Variants in PLCXD3 observed in about 807,000 individuals in gnomAD.
PLCXD3 encodes phosphatidylinositol specific phospholipase C X domain containing 3, also known as PI-PLC X domain-containing protein 3.
A neutral mutation model predicts 25.5 loss-of-function variants in PLCXD3; 19 were observed. The observed-to-expected ratio is 0.75, with a 90% CI of 0.52 to 1.09. PLCXD3 has a LOEUF of 1.09. Among genes scored for constraint, PLCXD3 ranks in the 50% least tolerant of loss-of-function variants. PLCXD3 has a pLI of 0.00. For synonymous variants in PLCXD3, 174 were observed against 137.6 expected, an observed-to-expected ratio of 1.26 and a Z score of -1.85; for missense variants, 411 against 388.1, an observed-to-expected ratio of 1.06 and a Z score of -0.50.
At chr5:41,424,281 C>T (rs778443402) in intron 1 of PLCXD3, among the ~76,000 whole-genome samples, 3 of 152,106 alleles carry the variant, frequency 2.0e-5, no homozygotes, top group Non-Finnish European at 2.9e-5. Context: ...CGGTGGCTCA[C>T]GCCTGTAATC....
chr5:41,429,376 G>A (rs1033826270), intron 1 of PLCXD3, among the ~76,000 whole-genome samples: 2 of 152,172 alleles, frequency 1.3e-5, no homozygotes, highest in Admixed American at 1.3e-4. Flanking sequence ...TCTGCTATGA[G>A]GGGAATCAGG....
At position 41,313,278 on chromosome 5, in the gene PLCXD3, G is replaced by A. The variant is rs922531439; in HGVS notation, c.*339C>T. 7 of 239,482 alleles carry A rather than the reference G, an allele frequency of 2.9e-5. No individual in the cohort carries two copies. The highest frequency in any genetic ancestry group is 5.2e-5 in the South Asian group (1 of 19,220). The allele number at this position is 239,482 out of a possible 1,614,324, so 14.8% of individuals were successfully genotyped here. A position where few individuals can be genotyped will look rare whatever the true frequency, so the allele number is the denominator to read the frequency against. ...AGAAAGGTTGCAGGGTATAGACAGC[G>A]TAGGAGTCATAGGCTGGAAATAGAG... On this transcript the variant is annotated 3_prime_UTR_variant, in exon 3 of 3. Coordinates refer to ENST00000377801, the MANE Select transcript of PLCXD3 (RefSeq NM_001005473.3).
At chr5:41,349,365 A>G (rs1281347011) in intron 2 of PLCXD3, among the ~76,000 whole-genome samples, 2 of 152,240 alleles carry the variant, frequency 1.3e-5, no homozygotes, top group Non-Finnish European at 1.5e-5. Context: ...AACAGCTCCT[A>G]TGGAGGACTG....
At chr5:41,359,468 A>T (rs1744714026) in intron 2 of PLCXD3, among the ~76,000 whole-genome samples, 1 of 152,146 alleles carries the variant, frequency 6.6e-6, no homozygotes, top group African/African-American at 2.4e-5. Flanking sequence ...CTGGGAGCTT[A>T]TCCATCTCCT....
intron 1 of PLCXD3, among the ~76,000 whole-genome samples, chr5:41,502,505 G>A (rs949400694): frequency 6.6e-6 from 1 of 152,060 alleles, no homozygotes; most frequent in Non-Finnish European, 1.5e-5. Context: ...AAGATGTGAT[G>A]TAATCAGTAC....
intron 1 of PLCXD3, among the ~76,000 whole-genome samples, chr5:41,414,505 T>C (rs1746648527): frequency 6.6e-6 from 1 of 152,220 alleles, no homozygotes; most frequent in Non-Finnish European, 1.5e-5. Flanking sequence ...ACTGCGAATA[T>C]TTTATTTCTT....
At chr5:41,346,527 C>T (rs1389825654) in intron 2 of PLCXD3, among the ~76,000 whole-genome samples, 4 of 152,008 alleles carry the variant, frequency 2.6e-5, no homozygotes, top group Non-Finnish European at 4.4e-5. Flanking sequence ...ACTGATCTTT[C>T]GCCTTTACTG....
chr5:41,382,599 C>G (rs996381697), intron 1 of PLCXD3, 65 bp from the exon 2 acceptor site: 3 of 1,268,236 alleles, frequency 2.4e-6, no homozygotes, highest in Non-Finnish European at 3.3e-6. Flanking sequence ...CCTTCTTTCC[C>G]TCTTGCAATA....
At chr5:41,453,066 A>G (rs1747672506) in intron 1 of PLCXD3, among the ~76,000 whole-genome samples, 2 of 152,106 alleles carry the variant, frequency 1.3e-5, no homozygotes, top group South Asian at 4.1e-4. Context: ...ACACACTGTA[A>G]TTAACTATAG....
chr5:41,345,095 T>G (rs1479171695), intron 2 of PLCXD3, among the ~76,000 whole-genome samples: 1 of 152,222 alleles, frequency 6.6e-6, no homozygotes, highest in Non-Finnish European at 1.5e-5. Flanking sequence ...GATATTGATT[T>G]GAGTATTTTC....
chr5:41,468,893 G>A (rs948527512), intron 1 of PLCXD3, among the ~76,000 whole-genome samples: 1 of 151,996 alleles, frequency 6.6e-6, no homozygotes, highest in African/African-American at 2.4e-5. Context: ...TAATTCTTCT[G>A]GCTAGGACTT....
intron 2 of PLCXD3, among the ~76,000 whole-genome samples, chr5:41,359,111 C>T (rs766753664): frequency 2.6e-5 from 4 of 152,008 alleles, no homozygotes; most frequent in Admixed American, 6.5e-5. Flanking sequence ...CTGTTGGATT[C>T]GGTTTGCTAG....
In PLCXD3 at chr5:41,307,647, G is replaced by A. The variant is rs1470466859; in HGVS notation, c.*5970C>T. On this transcript the variant is annotated 3_prime_UTR_variant, in exon 3 of 3. Coordinates refer to ENST00000377801, the MANE Select transcript of PLCXD3 (RefSeq NM_001005473.3). Reference sequence around the variant, plus strand: ...CAATGTTCTGAGAAGGTGTCACCAGGGCAGTGTCTATACCTCAGACTCTTT... The same window carrying A: ...CAATGTTCTGAGAAGGTGTCACCAGAGCAGTGTCTATACCTCAGACTCTTT... 1 of 152,210 alleles carries A rather than the reference G, an allele frequency of 6.6e-6. No individual in the cohort carries two copies. Among genetic ancestry groups the A allele is most frequent in the African/African-American group, 2.4e-5 (1 of 41,402 alleles). 9.4% of individuals were successfully genotyped at this position (152,210 alleles called of 1,614,324 possible).
chr5:41,494,427 T>C lies in PLCXD3; in HGVS notation c.103+15997A>G, dbSNP rs113190618. On this transcript the variant is annotated intron_variant, in intron 1 of 2. Coordinates refer to ENST00000377801, the MANE Select transcript of PLCXD3 (RefSeq NM_001005473.3). ...CAGAGAAAAGTGGAAGGATTGTAGA[T>C]ACATTTTAGAGAAATATTCCACAGA... Among the ~76,000 whole-genome samples, 10 of 152,342 alleles carry C rather than the reference T, an allele frequency of 6.6e-5. 2 individuals carry two copies. Among genetic ancestry groups the C allele is most frequent in the African/African-American group, 2.4e-4 (10 of 41,576 alleles).
intron 1 of PLCXD3, among the ~76,000 whole-genome samples, chr5:41,499,889 G>A (rs915015629): frequency 1.3e-4 from 20 of 151,756 alleles, no homozygotes. Flanking sequence ...ATGGGGAAAG[G>A]ATAGTCTCTT....
At chr5:41,450,910 A>C (rs1301593701) in intron 1 of PLCXD3, among the ~76,000 whole-genome samples, 1 of 152,078 alleles carries the variant, frequency 6.6e-6, no homozygotes, top group African/African-American at 2.4e-5. Context: ...TGGAAGCAGA[A>C]AAAAAGGAGG....
intron 2 of PLCXD3, among the ~76,000 whole-genome samples, chr5:41,361,715 G>C (rs1465460757): frequency 6.6e-6 from 1 of 152,204 alleles, no homozygotes; most frequent in Non-Finnish European, 1.5e-5. Flanking sequence ...CACTCTTCTA[G>C]AAGCCACATC....
At chr5:41,434,547 T>C (rs1042700784) in intron 1 of PLCXD3, among the ~76,000 whole-genome samples, 3 of 152,146 alleles carry the variant, frequency 2.0e-5, no homozygotes, top group Non-Finnish European at 4.4e-5. Context: ...TAGGGCACAA[T>C]TGGTATAGGA....
intron 1 of PLCXD3, among the ~76,000 whole-genome samples, chr5:41,482,051 A>G (rs141319818): frequency 2.6e-5 from 4 of 152,142 alleles, no homozygotes; most frequent in Non-Finnish European, 5.9e-5. Context: ...GAAAATGAAA[A>G]GTGAAGTTCT....
Sources: allele counts gnomAD v4.1 joint callset (sites outside exome capture counted in the v4.1 genomes callset), GRCh38; gene constraint gnomAD v4.1.1; transcripts MANE v1.5; gene names NCBI Gene and HGNC (gene_info 2026-07-23, HGNC 2026-07-21).